KCNK1: variants seen among roughly 807,000 people sequenced by gnomAD.
KCNK1 encodes the protein potassium two pore domain channel subfamily K member 1, also known as potassium channel subfamily K member 1.
A neutral mutation model predicts 22.2 loss-of-function variants in KCNK1; 10 were observed. The ratio of observed to expected loss-of-function variants is 0.45; its 90% CI spans 0.28 to 0.76. The LOEUF is 0.76. Ranked by LOEUF, KCNK1 falls within the 30% of genes least tolerant of loss-of-function variation. KCNK1 has a pLI of 0.14. For synonymous variants in KCNK1, 200 were observed against 186.4 expected (o/e 1.07, Z -0.60); for missense variants, 378 against 421.0 (o/e 0.90, Z 0.89).
chr1:233,654,091 G>C (rs1476857295), intron 1 of KCNK1, among the ~76,000 whole-genome samples: 2 of 151,950 alleles, frequency 1.3e-5, no homozygotes. Flanking sequence ...ATACCTAAGT[G>C]ATCATGAACA....
intron 1 of KCNK1, among the ~76,000 whole-genome samples, chr1:233,646,531 CATT>C (rs74592680): frequency 0.03 from 4,484 of 149,724 alleles, 151 homozygotes; most frequent in African/African-American, 0.085. Flanking sequence ...GTGTTGGCAC[CATT>C]ATTATTATTA....
intron 1 of KCNK1, among the ~76,000 whole-genome samples, chr1:233,656,087 G>A (rs1658291015): frequency 6.6e-6 from 1 of 152,104 alleles, no homozygotes; most frequent in Non-Finnish European, 1.5e-5. Flanking sequence ...TTGTAATGTT[G>A]ACACCTCTGC....
At chr1:233,624,527 C>T (rs1433105923) in intron 1 of KCNK1, among the ~76,000 whole-genome samples, 2 of 152,196 alleles carry the variant, frequency 1.3e-5, no homozygotes, top group East Asian at 3.9e-4. Flanking sequence ...CTTGGCCTCA[C>T]TTGGCATCCC....
At chr1:233,658,580 C>T (rs1427732417) in intron 1 of KCNK1, among the ~76,000 whole-genome samples, 1 of 152,168 alleles carries the variant, frequency 6.6e-6, no homozygotes, top group Non-Finnish European at 1.5e-5. Flanking sequence ...AGTCAAGCGT[C>T]ACCTAACGAC....
chr1:233,669,821 G>A (rs1658564974), intron 2 of KCNK1, among the ~76,000 whole-genome samples: 1 of 152,006 alleles, frequency 6.6e-6, no homozygotes. Flanking sequence ...GAATAATAAA[G>A]GAAAAGACAC....
intron 1 of KCNK1, among the ~76,000 whole-genome samples, chr1:233,620,276 A>G (rs759310477): frequency 6.6e-6 from 1 of 152,338 alleles, no homozygotes; most frequent in Admixed American, 6.5e-5. Context: ...TCACAAAAAA[A>G]GTTTGCTGAC....
Position 233,666,910 on chromosome 1 carries a change from G to A in KCNK1, c.671G>A (p.Ser224Asn). Residue 224 changes from serine (S) to asparagine (N), a missense_variant, in exon 2 of 3, where the codon AGC becomes AAC. By Grantham distance (46) the Ser-to-Asn change is conservative. Coordinates refer to ENST00000366621, the MANE Select transcript of KCNK1 (RefSeq NM_002245.4). ...ESFYFCFISL[S>N]TIGLGDYVPG... is the part of the protein sequence containing the mutation. The stretch of plus-strand genomic sequence containing the variant: ...TTTTATTTTTGTTTTATTTCCCTGA[G>A]CACCATTGGCCTGGGGGATTATGTG... 6.2e-7 allele frequency: 1 copy of A among 1,614,084 alleles called. No homozygotes were observed.
At chr1:233,650,376 C>A (rs1157537440) in intron 1 of KCNK1, among the ~76,000 whole-genome samples, 4 of 152,124 alleles carry the variant, frequency 2.6e-5, no homozygotes, top group Non-Finnish European at 5.9e-5. Context: ...TTAATAACAT[C>A]TGTTAGTGTG....
At chr1:233,634,740 C>T (rs930698339) in intron 1 of KCNK1, among the ~76,000 whole-genome samples, 2 of 152,226 alleles carry the variant, frequency 1.3e-5, no homozygotes, top group Non-Finnish European at 2.9e-5. Flanking sequence ...GTTGCTAATG[C>T]TCATGCATTT....
At chr1:233,659,226 C>T (rs1321744746) in intron 1 of KCNK1, among the ~76,000 whole-genome samples, 1 of 150,332 alleles carries the variant, frequency 6.7e-6, no homozygotes, top group African/African-American at 2.4e-5. Context: ...TTGTTAAAAA[C>T]TAAGACACGA....
intron 1 of KCNK1, among the ~76,000 whole-genome samples, chr1:233,618,294 C>T (rs1027410166): frequency 6.6e-6 from 1 of 151,452 alleles, no homozygotes; most frequent in Non-Finnish European, 1.5e-5. Flanking sequence ...CACTGCAATA[C>T]AGTTTTGAGC....
chr1:233,634,918 G>A (rs1657872478), intron 1 of KCNK1, among the ~76,000 whole-genome samples: 1 of 152,186 alleles, frequency 6.6e-6, no homozygotes, highest in Non-Finnish European at 1.5e-5. Context: ...AAAGAAATAA[G>A]TGTTTCTTTT....
chr1:233,661,961 T>C (rs574504979), intron 1 of KCNK1: 1 of 152,316 alleles, frequency 6.6e-6, no homozygotes, highest in Non-Finnish European at 1.5e-5. Flanking sequence ...CATGTGACAT[T>C]GAAGTCACTA....
chr1:233,654,405 TGTA>T (rs1658253972), intron 1 of KCNK1, among the ~76,000 whole-genome samples: 2 of 152,236 alleles, frequency 1.3e-5, no homozygotes, highest in African/African-American at 2.4e-5. Context: ...GAATTGTGCC[TGTA>T]TTCTAGTGTT....
chr1:233,656,280 GA>G (rs1558117804), intron 1 of KCNK1, among the ~76,000 whole-genome samples: 3 of 152,192 alleles, frequency 2.0e-5, no homozygotes, highest in Non-Finnish European at 4.4e-5. Context: ...ATAAAAAGGA[GA>G]AATGTTGCAT....
At chr1:233,631,396 A>G in intron 1 of KCNK1, 2 of 450,820 alleles carry the variant, frequency 4.4e-6, no homozygotes, top group Non-Finnish European at 9.3e-6. Flanking sequence ...GTTTCTCTTT[A>G]ATGATAGGAT....
intron 1 of KCNK1, among the ~76,000 whole-genome samples, chr1:233,656,170 A>T (rs1658292293): frequency 6.6e-6 from 1 of 152,218 alleles, no homozygotes; most frequent in Non-Finnish European, 1.5e-5. Context: ...CAGAAAAGAG[A>T]GTTTCACTGG....
intron 1 of KCNK1, among the ~76,000 whole-genome samples, chr1:233,659,305 T>C: frequency 6.6e-6 from 1 of 151,534 alleles, no homozygotes; most frequent in East Asian, 2.0e-4. Flanking sequence ...CACTGGAAGG[T>C]CTTCAGGGGC....
intron 1 of KCNK1, among the ~76,000 whole-genome samples, chr1:233,666,010 C>A (rs192162757): frequency 5.3e-4 from 80 of 152,346 alleles, no homozygotes; most frequent in African/African-American, 1.8e-3. Flanking sequence ...CTTTAATCTT[C>A]ATTTTTCTTC....
Sources: gnomAD v4.1 joint callset for allele counts (sites outside exome capture counted in the v4.1 genomes callset) on GRCh38, gnomAD v4.1.1 for gene constraint, MANE v1.5 for transcripts, NCBI Gene and HGNC (gene_info 2026-07-23, HGNC 2026-07-21) for gene names.